The following MYCBP2 variants were observed in gnomAD, a reference collection of about 807,000 sequenced individuals.
MYCBP2 encodes MYC binding protein 2, also known as E3 ubiquitin-protein ligase MYCBP2.
Under a neutral mutation model 525.3 loss-of-function variants are expected in MYCBP2, and 120 were observed. The observed-to-expected ratio is 0.23, with a 90% CI of 0.20 to 0.27. MYCBP2 has a LOEUF of 0.27. Ranked by LOEUF, MYCBP2 falls within the 10% of genes least tolerant of loss-of-function variation. The probability of loss-of-function intolerance (pLI) is 1.00; values close to 1 mark genes in which losing one functional copy is unlikely to be tolerated. For missense variants in MYCBP2, 4,149 were observed against 5,657.1 expected (o/e 0.73, Z 8.55); for synonymous variants, 1,894 against 1,955.8 (o/e 0.97, Z 0.83).
chr13:77,162,889 T>C (rs950068464), intron 43 of MYCBP2, among the ~76,000 whole-genome samples: 2 of 152,168 alleles, frequency 1.3e-5, no homozygotes, highest in African/African-American at 4.8e-5. Context: ...TTTCCTGACC[T>C]TGTGATCCAC....
In MYCBP2 at chr13:77,098,936, T is replaced by C. The variant is rs773621666; in HGVS notation, c.8218A>G (p.Arg2740Gly). Residue 2740 changes from arginine (R) to glycine (G), a missense_variant, in exon 56 of 83, where the codon AGA (arginine) becomes GGA (glycine). Around this residue, in one of 21 missense-constraint regions of MYCBP2, gnomAD observed 653 missense variants for 744.7 expected, o/e 0.88. Transcript: ENST00000544440. ...ATACGTCCATCAGGTTTAAGCGATC[T>C]GCTGTGTTTAGAGGACAGCTCTGAT... ...GKSELSSKHS[R>G]SLKPDGRMSR... 2 of 1,613,474 alleles carry C rather than the reference T, an allele frequency of 1.2e-6. No individual in the cohort carries two copies. The highest frequency in any genetic ancestry group is 2.2e-5 in the South Asian group (2 of 91,064).
chr13:77,233,130 C>G, intron 18 of MYCBP2, 26 bp downstream of exon 18: 1 of 1,589,082 alleles, frequency 6.3e-7, no homozygotes, highest in Non-Finnish European at 8.6e-7. Flanking sequence ...AAGTATCCCA[C>G]CTAGGTGATA....
At chr13:77,061,622 C>T (rs1206536423) in intron 75 of MYCBP2, 40 bp downstream of exon 75, 1 of 1,593,910 alleles carries the variant, frequency 6.3e-7, no homozygotes, top group Non-Finnish European at 8.5e-7. Context: ...TTTCAAAATT[C>T]ACTGAACATA....
chr13:77,288,161 C>G lies in MYCBP2; in HGVS notation c.594G>C (p.Lys198Asn), dbSNP rs764364977. The G allele has an allele frequency of 3.7e-6, 6 of 1,613,878 alleles. No homozygotes were observed. The highest frequency in any genetic ancestry group is 4.2e-6 in the Non-Finnish European group (5 of 1,179,946). ...ESKEPPIKLP[K>N]IIEVGLCEVF... ...ATATTAATAGAACTCAGTGGCTTAC[C>G]TTTGGAAGCTTGATAGGGGGCTCTT... Residue 198 changes from lysine to asparagine, a missense_variant and splice_region_variant, in exon 3 of 83, where the codon AAG becomes AAC. Lys to Asn is a moderately conservative substitution (Grantham distance 94). This residue lies in a region of MYCBP2 where 413 missense variants were observed against 451.2 expected (regional missense o/e 0.92). Coordinates refer to ENST00000544440, the MANE Select transcript of MYCBP2 (RefSeq NM_015057.5).
chr13:77,158,676 G>A (rs1008407988), intron 44 of MYCBP2, among the ~76,000 whole-genome samples: 4 of 152,030 alleles, frequency 2.6e-5, no homozygotes, highest in Non-Finnish European at 4.4e-5. Flanking sequence ...TTGAACTCCT[G>A]GCCTCAAGTA....
Position 77,326,627 on chromosome 13 carries a change from C to A in MYCBP2, c.149G>T (p.Gly50Val). The A allele has an allele frequency of 6.4e-7, 1 of 1,559,390 alleles. No individual in the cohort carries two copies. Among genetic ancestry groups the A allele is most frequent in the African/African-American group, 1.4e-5 (1 of 71,334 alleles). The change falls in exon 1 of 83, where the codon GGG becomes GTG. Residue 50 changes from glycine (G) to valine (V), a missense_variant. Around this residue, in one of 21 missense-constraint regions of MYCBP2, gnomAD observed 413 missense variants for 451.2 expected, o/e 0.92. Coordinates refer to ENST00000544440, the MANE Select transcript of MYCBP2 (RefSeq NM_015057.5). This position sits in a 1 kb window ranked among gnomAD's most constrained non-coding sequence, Gnocchi z 4.2. ...CGCGGCGGGTAGCCCCAGCCCCAGC[C>A]CCGCAGCAGCCACGGAGCCGTCGGG... Reference protein sequence around the residue: ...PVPDGSVAAAGLGLGLPAADS... With the variant: ...PVPDGSVAAAVLGLGLPAADS...
chr13:77,081,267 TTTG>T lies in MYCBP2; in HGVS notation c.11418+157_11418+159del. ...TCCACAGTGCTCCCAATCATATTAA[TTTG>T]TTTTTAGACTTAAGATTTATTTGGG... On this transcript the variant is annotated intron_variant, in intron 65 of 82. Transcript: ENST00000544440. This position sits in a 1 kb window ranked among gnomAD's most constrained non-coding sequence, Gnocchi z 4.6. The T allele has an allele frequency of 1.6e-6, 1 of 641,704 alleles. No individual in the cohort carries two copies. Among genetic ancestry groups the T allele is most frequent in the Non-Finnish European group, 2.7e-6 (1 of 372,682 alleles). The allele number at this position is 641,704 out of a possible 1,614,324, so 39.8% of individuals were successfully genotyped here.
intron 36 of MYCBP2, among the ~76,000 whole-genome samples, chr13:77,175,959 A>C (rs2059655979): frequency 6.6e-6 from 1 of 151,538 alleles, no homozygotes; most frequent in South Asian, 2.1e-4. Context: ...TCCATCTAAA[A>C]AAAAATAATA....
intron 18 of MYCBP2, among the ~76,000 whole-genome samples, chr13:77,230,788 G>A (rs778335259): frequency 5.3e-5 from 8 of 152,204 alleles, no homozygotes; most frequent in Non-Finnish European, 1.2e-4. Context: ...AGGGCTGAGA[G>A]GATTGCTTTC....
Position 77,095,556 on chromosome 13 carries a change from G to A in MYCBP2, c.10001C>T (p.Ala3334Val), listed in dbSNP as rs767752504. Residue 3334 changes from alanine (A) to valine (V), a missense_variant, in exon 58 of 83, where the codon GCC becomes GTC. Around this residue, in one of 21 missense-constraint regions of MYCBP2, gnomAD observed 509 missense variants for 789.4 expected, o/e 0.64. Coordinates refer to ENST00000544440, the MANE Select transcript of MYCBP2 (RefSeq NM_015057.5). ...RKPMQVKTPR[A>V]LPTMEAHQVI... ...CTGGTGAGCTTCCATGGTGGGCAAG[G>A]CACGAGGGGTCTTGACTTGCATTGG... is the stretch of plus-strand genomic sequence containing the variant. The A allele has an allele frequency of 6.2e-7, 1 of 1,613,472 alleles. No individual in the cohort carries two copies. The highest frequency in any genetic ancestry group is 1.1e-5 in the South Asian group (1 of 91,058).
At chr13:77,295,291 G>A (rs1379250280) in intron 2 of MYCBP2, among the ~76,000 whole-genome samples, 2 of 151,960 alleles carry the variant, frequency 1.3e-5, no homozygotes, top group East Asian at 1.9e-4. Context: ...CCACCACCAC[G>A]CCCAGCTAAT....
At chr13:77,220,076 C>T (rs897542673) in intron 20 of MYCBP2, among the ~76,000 whole-genome samples, 35 of 152,156 alleles carry the variant, frequency 2.3e-4, no homozygotes, top group Admixed American at 1.9e-3. Flanking sequence ...TTCTTACCTT[C>T]CAGAAGCCTA....
rs886841885 is a variant in MYCBP2, at chr13:77,173,662, G to A, written c.5651+649C>T. Reference sequence around the variant, plus strand: ...CAGTGATTTAATGCCAAGTCAGGCTGAGGACAAATGTGGTAAATGGTACTC... The same window carrying A: ...CAGTGATTTAATGCCAAGTCAGGCTAAGGACAAATGTGGTAAATGGTACTC... On this transcript the variant is annotated intron_variant, in intron 37 of 82. Coordinates refer to ENST00000544440, the MANE Select transcript of MYCBP2 (RefSeq NM_015057.5). Among the ~76,000 whole-genome samples, 3 of 152,356 alleles carry A rather than the reference G, an allele frequency of 2.0e-5. No homozygotes were observed. The South Asian group carries it at 6.2e-4, about 32-fold the overall frequency.
At chr13:77,138,575 G>C (rs572534215) in intron 52 of MYCBP2, among the ~76,000 whole-genome samples, 2 of 152,094 alleles carry the variant, frequency 1.3e-5, no homozygotes, top group Non-Finnish European at 2.9e-5. Flanking sequence ...TATATAAAAC[G>C]AAGTGTGGGT....
At chr13:77,073,222 G>A (rs2041693480) in intron 68 of MYCBP2, among the ~76,000 whole-genome samples, 1 of 151,700 alleles carries the variant, frequency 6.6e-6, no homozygotes, top group Admixed American at 6.6e-5. Context: ...AAAATGCATA[G>A]CAATATATGG....
chr13:77,204,118 A>C (rs972254555), intron 26 of MYCBP2, among the ~76,000 whole-genome samples: 55 of 150,676 alleles, frequency 3.7e-4, no homozygotes, highest in African/African-American at 1.0e-3. Flanking sequence ...CAACCTACAA[A>C]ATGGGAGAAA....
intron 49 of MYCBP2, among the ~76,000 whole-genome samples, chr13:77,143,702 A>G (rs1029955033): frequency 6.6e-6 from 1 of 152,218 alleles, no homozygotes; most frequent in Non-Finnish European, 1.5e-5. Flanking sequence ...ATGAATCACC[A>G]GGCAATTTCA....
At chr13:77,260,343 A>G (rs2073052461) in intron 13 of MYCBP2, 85 bp downstream of exon 13, 1 of 905,096 alleles carries the variant, frequency 1.1e-6, no homozygotes, top group African/African-American at 1.8e-5. Context: ...CATGCCACCA[A>G]CATAAATTTT....
chr13:77,203,728 C>T (rs2062924394), intron 26 of MYCBP2, among the ~76,000 whole-genome samples: 1 of 152,218 alleles, frequency 6.6e-6, no homozygotes, highest in African/African-American at 2.4e-5. Flanking sequence ...ACAGAGCCCT[C>T]AGAAATAATG....
Sources: gnomAD v4.1 joint callset for allele counts (sites outside exome capture counted in the v4.1 genomes callset) on GRCh38, gnomAD v4.1.1 for gene constraint, gnomAD v4.1.1 regional missense constraint, Gnocchi (gnomAD v3.1) non-coding constraint, MANE v1.5 for transcripts, NCBI Gene and HGNC (gene_info 2026-07-23, HGNC 2026-07-21) for gene names.